SRGAP3: variants seen among roughly 807,000 people sequenced by gnomAD.
SRGAP3 encodes the protein SLIT-ROBO Rho GTPase activating protein 3.
In SRGAP3, 39 loss-of-function variants were observed where a neutral mutation model predicts 121.1. The ratio of observed to expected loss-of-function variants is 0.32; its 90% CI spans 0.25 to 0.42. The LOEUF is 0.42. Among genes scored for constraint, SRGAP3 ranks in the 10% least tolerant of loss-of-function variants. SRGAP3 has a pLI of 1.00. For missense variants in SRGAP3, 1,213 were observed against 1,470.6 expected (o/e 0.82, Z 2.86); for synonymous variants, 601 against 570.0 (o/e 1.05, Z -0.77).
intron 10 of SRGAP3, among the ~76,000 whole-genome samples, chr3:9,044,418 C>T (rs1452308106): frequency 1.3e-5 from 2 of 152,174 alleles, no homozygotes; most frequent in Non-Finnish European, 2.9e-5. Context: ...GAGATGGAGC[C>T]GCGATGGCGT....
At position 9,153,213 on chromosome 3, in the gene SRGAP3, T is replaced by C. The variant is rs1425245732; in HGVS notation, c.68-28296A>G. On this transcript the variant is annotated intron_variant, in intron 1 of 21. Coordinates refer to ENST00000383836, the MANE Select transcript of SRGAP3 (RefSeq NM_014850.4). Reference sequence around the variant, plus strand: ...CCATTTTAATTGCAATGACTCCTTCTTTTGCATTTCCCAAGAGCACTTACT... The same window carrying C: ...CCATTTTAATTGCAATGACTCCTTCCTTTGCATTTCCCAAGAGCACTTACT... Among the ~76,000 whole-genome samples, 3 of 152,204 alleles carry C rather than the reference T, an allele frequency of 2.0e-5. No individual in the cohort carries two copies. In the East Asian group the frequency reaches 5.8e-4, roughly 29 times the overall value.
rs1398844693 is a variant in SRGAP3, at chr3:8,980,622, G to T, written c.*4897C>A. Reference sequence around the variant, plus strand: ...AAAAGTTAAGCTGTTTTATTTCACAGGATAGCTCCACGTCAAACCAGCAGG... The same window carrying T: ...AAAAGTTAAGCTGTTTTATTTCACATGATAGCTCCACGTCAAACCAGCAGG... On this transcript the variant is annotated 3_prime_UTR_variant, in exon 22 of 22. Transcript: ENST00000383836. 2 of 228,726 alleles carry T rather than the reference G, an allele frequency of 8.7e-6. No individual in the cohort carries two copies. Among genetic ancestry groups the T allele is most frequent in the Non-Finnish European group, 1.7e-5 (2 of 115,080 alleles). 14.2% of individuals were successfully genotyped at this position (228,726 alleles called of 1,614,324 possible).
At position 8,985,579 on chromosome 3, in the gene SRGAP3, G is replaced by C; in HGVS notation, c.3240C>G (p.Ala1080=). The change falls in exon 22 of 22, where the codon GCC becomes GCG. Residue 1080 remains alanine, a synonymous_variant. Coordinates refer to ENST00000383836, the MANE Select transcript of SRGAP3 (RefSeq NM_014850.4). This position sits in a 1 kb window ranked among gnomAD's most constrained non-coding sequence, Gnocchi z 5.1. ...SSSSSGVGSP[A]VTPTEKMFPN... ...GGAACATCTTCTCGGTGGGCGTCAC[G>C]GCCGGGCTGCCCACGCCCGAGCTGC... is the stretch of plus-strand genomic sequence containing the variant. 6.5e-7 allele frequency: 1 copy of C among 1,540,844 alleles called. No individual in the cohort carries two copies. Among genetic ancestry groups the C allele is most frequent in the South Asian group, 1.1e-5 (1 of 87,776 alleles).
At chr3:9,143,522 A>G (rs955145614) in intron 1 of SRGAP3, among the ~76,000 whole-genome samples, 1 of 152,264 alleles carries the variant, frequency 6.6e-6, no homozygotes, top group Non-Finnish European at 1.5e-5. Context: ...TGCAGTTTCC[A>G]GGACCAAGCC....
In SRGAP3 at chr3:8,994,401, C is replaced by T. The variant is rs1308729367; in HGVS notation, c.2350G>A (p.Gly784Ser). ...YHRASEDWWE[G>S]RHNGVDGLIP... ...AGTCCATCCACGCCGTTGTGCCGGC[C>T]CTCCCACCAGTCCTCCGAGGCGCGG... The change falls in exon 19 of 22, where the codon GGC becomes AGC. Residue 784 changes from glycine (G) to serine (S), a missense_variant. Gly to Ser is a moderately conservative substitution (Grantham distance 56, BLOSUM62 0). Transcript: ENST00000383836. The T allele has an allele frequency of 6.2e-7, 1 of 1,614,200 alleles. No individual in the cohort carries two copies.
upstream of SRGAP3, among the ~76,000 whole-genome samples, chr3:9,252,737 T>C (rs148313052): frequency 7.9e-3 from 1,149 of 146,368 alleles, 3 homozygotes; most frequent in Non-Finnish European, 0.013. Flanking sequence ...CCCGCTGCCC[T>C]CCTGTGACTC....
chr3:9,349,193 A>G, intron 1 of SRGAP3: 1 of 700,012 alleles, frequency 1.4e-6, no homozygotes, highest in East Asian at 3.2e-5. Context: ...CAAGAAGTAA[A>G]GGCCAGCGGG....
chr3:9,329,650 G>C (rs1415334200), intron 2 of SRGAP3, among the ~76,000 whole-genome samples: 1 of 152,200 alleles, frequency 6.6e-6, no homozygotes, highest in Non-Finnish European at 1.5e-5. Flanking sequence ...GGTGCGGAAG[G>C]TGAAGAGCTC....
At chr3:9,030,027 G>A (rs887025423) in intron 12 of SRGAP3, among the ~76,000 whole-genome samples, 2 of 151,958 alleles carry the variant, frequency 1.3e-5, no homozygotes, top group African/African-American at 2.4e-5. Flanking sequence ...TGGTGCATGC[G>A]TATAGCCCCA....
At chr3:8,996,076 A>C (rs1357531854) in intron 18 of SRGAP3, among the ~76,000 whole-genome samples, 1 of 152,212 alleles carries the variant, frequency 6.6e-6, no homozygotes, top group Non-Finnish European at 1.5e-5. Flanking sequence ...ACCTTGGGAT[A>C]CTTAGTTTTT....
At chr3:9,252,335 G>A (rs1340102231), upstream of SRGAP3, among the ~76,000 whole-genome samples, 1 of 151,884 alleles carries the variant, frequency 6.6e-6, no homozygotes, top group East Asian at 1.9e-4. Context: ...TCACCATGTT[G>A]GGCAGGCTGG....
At chr3:9,210,456 C>T (rs1952410909) in intron 1 of SRGAP3, among the ~76,000 whole-genome samples, 1 of 152,130 alleles carries the variant, frequency 6.6e-6, no homozygotes, top group African/African-American at 2.4e-5. Context: ...CACTGCACTC[C>T]AGCCTAGGTG....
At chr3:9,229,765 T>G (rs957538027) in intron 1 of SRGAP3, among the ~76,000 whole-genome samples, 2 of 152,182 alleles carry the variant, frequency 1.3e-5, no homozygotes, top group African/African-American at 4.8e-5. Flanking sequence ...TGTAGCTTCT[T>G]TCAATGAGTG....
At chr3:9,340,196 C>T (rs1262167778) in intron 1 of SRGAP3, among the ~76,000 whole-genome samples, 2 of 152,208 alleles carry the variant, frequency 1.3e-5, no homozygotes, top group African/African-American at 4.8e-5. Context: ...ACTGCTTCTA[C>T]TGCTTCCTTT....
At chr3:9,311,886 C>A (rs977957275) in intron 3 of SRGAP3, among the ~76,000 whole-genome samples, 1 of 152,198 alleles carries the variant, frequency 6.6e-6, no homozygotes, top group African/African-American at 2.4e-5. Context: ...TGTGTCAAAT[C>A]TCTGCTGATA....
chr3:9,161,839 C>A (rs889132806), intron 1 of SRGAP3, among the ~76,000 whole-genome samples: 1 of 152,130 alleles, frequency 6.6e-6, no homozygotes, highest in Non-Finnish European at 1.5e-5. Context: ...TTTAAGCAGC[C>A]AAATTTTTTT....
intron 1 of SRGAP3, among the ~76,000 whole-genome samples, chr3:9,204,864 G>A (rs555312460): frequency 4.6e-5 from 7 of 152,228 alleles, no homozygotes; most frequent in African/African-American, 7.2e-5. Flanking sequence ...GAGCGGTGAC[G>A]CTGAAAACCG....
intron 3 of SRGAP3, among the ~76,000 whole-genome samples, chr3:9,094,686 TA>T (rs891821788): frequency 1.3e-5 from 2 of 152,230 alleles, no homozygotes; most frequent in Admixed American, 1.3e-4. Context: ...CATTTTGTTT[TA>T]TTTTACCTTT....
chr3:9,046,598 C>T (rs955614431), intron 10 of SRGAP3, among the ~76,000 whole-genome samples: 10 of 152,182 alleles, frequency 6.6e-5, no homozygotes, highest in African/African-American at 2.4e-4. Flanking sequence ...TGTCAGGTCC[C>T]TCGAGGGCCA....
Sources: allele counts gnomAD v4.1 joint callset (sites outside exome capture counted in the v4.1 genomes callset), GRCh38; gene constraint gnomAD v4.1.1; non-coding constraint Gnocchi (gnomAD v3.1); transcripts MANE v1.5; gene names NCBI Gene and HGNC (gene_info 2026-07-23, HGNC 2026-07-21).